Variants in EFCAB12 observed in about 807,000 individuals in gnomAD.
EFCAB12 encodes the protein EF-hand calcium binding domain 12.
In EFCAB12, 43 loss-of-function variants were observed where a neutral mutation model predicts 53.6. The ratio of observed to expected loss-of-function variants is 0.80; its 90% CI spans 0.63 to 1.03. EFCAB12 has a LOEUF of 1.03. Among genes scored for constraint, EFCAB12 ranks in the 50% least tolerant of loss-of-function variants. The pLI is 0.00. For missense variants in EFCAB12, 646 were observed against 730.6 expected, an observed-to-expected ratio of 0.88 and a Z score of 1.34; for synonymous variants, 269 against 289.2, an observed-to-expected ratio of 0.93 and a Z score of 0.71.
At chr3:129,409,178 G>A (rs1165244305) in intron 5 of EFCAB12, among the ~76,000 whole-genome samples, 1 of 152,236 alleles carries the variant, frequency 6.6e-6, no homozygotes, top group African/African-American at 2.4e-5. Context: ...GGGGCCACAA[G>A]ATGGCTCACA....
intron 3 of EFCAB12, among the ~76,000 whole-genome samples, chr3:129,416,462 C>G (rs968227944): frequency 6.6e-6 from 1 of 151,698 alleles, no homozygotes; most frequent in African/African-American, 2.4e-5. Context: ...AATGAACTCT[C>G]CTGGTGCTAA....
chr3:129,407,165 A>G (rs2107736335), intron 6 of EFCAB12, among the ~76,000 whole-genome samples: 1 of 152,354 alleles, frequency 6.6e-6, no homozygotes, highest in South Asian at 2.1e-4. Flanking sequence ...TGCAGAGAAA[A>G]AACTGTGTGG....
intron 1 of EFCAB12, among the ~76,000 whole-genome samples, chr3:129,424,671 A>G (rs2072249583): frequency 6.6e-6 from 1 of 152,258 alleles, no homozygotes; most frequent in Admixed American, 6.5e-5. Context: ...TCTAAACAAC[A>G]CATGTATCAT....
chr3:129,426,526 G>A (rs1333072023), intron 1 of EFCAB12, among the ~76,000 whole-genome samples: 1 of 151,188 alleles, frequency 6.6e-6, no homozygotes, highest in Non-Finnish European at 1.5e-5. Flanking sequence ...CACCACGACC[G>A]GCTAATTTTT....
intron 7 of EFCAB12, chr3:129,403,560 TCC>T (rs948283826): frequency 1.3e-5 from 2 of 152,320 alleles, no homozygotes; most frequent in African/African-American, 4.8e-5. Flanking sequence ...TCCAGGCCCC[TCC>T]CACCTCATGG....
At position 129,402,554 on chromosome 3, in the gene EFCAB12, T is replaced by C. The variant is rs1268973477; in HGVS notation, c.1429A>G (p.Met477Val). Residue 477 changes from methionine to valine, a missense_variant, in exon 8 of 9, where the codon ATG becomes GTG. By Grantham distance (21) the Met-to-Val change is conservative (BLOSUM62 1). Transcript: ENST00000505956. Reference protein sequence around the residue: ...DKKTPKKSKKMRFKEFEEFTR... With the variant: ...DKKTPKKSKKVRFKEFEEFTR... ...AATTCCTCAAACTCCTTAAAGCGCA[T>C]TTTCTTGCTTTTCTTTGGCGTTTTC... 1.2e-6 allele frequency: 2 copies of C among 1,612,822 alleles called. No individual in the cohort carries two copies. The highest frequency in any genetic ancestry group is 2.2e-5 in the East Asian group (1 of 44,876).
At chr3:129,422,445 C>T (rs555880903) in intron 1 of EFCAB12, among the ~76,000 whole-genome samples, 1 of 152,276 alleles carries the variant, frequency 6.6e-6, no homozygotes, top group East Asian at 1.9e-4. Context: ...ACCTGTCCCC[C>T]TAATCCCTTG....
chr3:129,407,743 A>G (rs2071971834), intron 6 of EFCAB12, among the ~76,000 whole-genome samples: 1 of 152,102 alleles, frequency 6.6e-6, no homozygotes, highest in South Asian at 2.1e-4. Context: ...GTGAAACCCC[A>G]TCTCTACTAA....
chr3:129,405,020 C>G (rs918043170), intron 6 of EFCAB12, among the ~76,000 whole-genome samples: 1 of 152,090 alleles, frequency 6.6e-6, no homozygotes, highest in African/African-American at 2.4e-5. Flanking sequence ...TGTTATGATA[C>G]CCAGGCTGGT....
intron 1 of EFCAB12, among the ~76,000 whole-genome samples, chr3:129,426,900 T>G (rs1317332157): frequency 2.8e-5 from 4 of 142,592 alleles, no homozygotes; most frequent in Non-Finnish European, 4.5e-5. Context: ...CAGGCTGGAG[T>G]GCAATGGCAT....
At chr3:129,417,328 AAAAAAAAAAAACC>A (rs2072128284) in intron 3 of EFCAB12, among the ~76,000 whole-genome samples, 1 of 135,650 alleles carries the variant, frequency 7.4e-6, no homozygotes, top group Non-Finnish European at 1.5e-5. Context: ...TGCCTCAAAA[AAAAAAAAAAAACC>A]AAAAAAAAAA....
At chr3:129,409,048 A>G (rs2107737001) in intron 5 of EFCAB12, among the ~76,000 whole-genome samples, 190 bp from the exon 6 acceptor site, 1 of 152,356 alleles carries the variant, frequency 6.6e-6, no homozygotes, top group Admixed American at 6.5e-5. Flanking sequence ...TCAGAAGCTC[A>G]GGTTCTGAAG....
At chr3:129,415,168 G>A (rs1387138656) in intron 4 of EFCAB12, 77 bp downstream of exon 4, 3 of 1,460,166 alleles carry the variant, frequency 2.1e-6, no homozygotes, top group South Asian at 1.5e-5. Context: ...GAGTTTGGAG[G>A]AGAGGCCAAG....
chr3:129,423,179 C>T (rs1392192305), intron 1 of EFCAB12, among the ~76,000 whole-genome samples: 10 of 152,198 alleles, frequency 6.6e-5, no homozygotes, highest in Non-Finnish European at 1.0e-4. Context: ...CCCCAGAGCT[C>T]GGCTCTTAGC....
Position 129,401,680 on chromosome 3 carries a change from G to C in EFCAB12, c.1632C>G (p.Tyr544Ter), listed in dbSNP as rs775756375. ...QHQPHVYPAT[Y>*]HPDHWWPLRN... ...TAAGGGGCCACCAGTGGTCAGGGTG[G>C]TAGGTGGCTGGGTAGACATGGGGCT... Residue 544 changes from tyrosine to a stop codon, truncating the protein, a stop_gained, in exon 9 of 9, where the codon TAC (tyrosine) becomes TAG (stop). Transcript: ENST00000505956. LOFTEE classifies it low-confidence loss of function (END_TRUNC). 6 of 1,590,248 alleles carry C rather than the reference G, an allele frequency of 3.8e-6. No homozygotes were observed. Among genetic ancestry groups the C allele is most frequent in the Non-Finnish European group, 5.1e-6 (6 of 1,168,306 alleles).
intron 2 of EFCAB12, 44 bp from the exon 3 acceptor site, chr3:129,418,492 A>G: frequency 6.6e-7 from 1 of 1,526,326 alleles, no homozygotes; most frequent in Non-Finnish European, 8.8e-7. Flanking sequence ...AGTTCAAAGG[A>G]GACAGGCCAG....
intron 2 of EFCAB12, 50 bp from the exon 3 acceptor site, chr3:129,418,498 G>C: frequency 6.6e-7 from 1 of 1,506,336 alleles, no homozygotes. Context: ...AAGGAGACAG[G>C]CCAGGCGGAT....
At chr3:129,424,687 T>C (rs2072249871) in intron 1 of EFCAB12, among the ~76,000 whole-genome samples, 1 of 152,258 alleles carries the variant, frequency 6.6e-6, no homozygotes, top group Non-Finnish European at 1.5e-5. Flanking sequence ...ATCATTACTT[T>C]GACCACAAGA....
At chr3:129,415,470 T>C (rs1218837131) in intron 3 of EFCAB12, 69 bp from the exon 4 acceptor site, 2 of 1,582,310 alleles carry the variant, frequency 1.3e-6, no homozygotes, top group Non-Finnish European at 1.7e-6. Flanking sequence ...GGCCAAGGCC[T>C]TACCAGCCTC....
Sources: allele counts gnomAD v4.1 joint callset (sites outside exome capture counted in the v4.1 genomes callset), GRCh38; gene constraint gnomAD v4.1.1; transcripts MANE v1.5; gene names NCBI Gene and HGNC (gene_info 2026-07-23, HGNC 2026-07-21).